EYS: variants seen among roughly 807,000 people sequenced by gnomAD.
EYS encodes the protein protein eyes shut homolog.
In EYS, 250 loss-of-function variants were observed where a neutral mutation model predicts 282.1. That is an observed-to-expected ratio of 0.89 (90% CI 0.80 to 0.98). The LOEUF is 0.98. Among genes scored for constraint, EYS ranks in the 50% least tolerant of loss-of-function variants. EYS has a pLI of 0.00. For missense variants in EYS, 4,016 were observed against 3,709.0 expected, an observed-to-expected ratio of 1.08 and a Z score of -2.15; for synonymous variants, 1,355 against 1,282.9, an observed-to-expected ratio of 1.06 and a Z score of -1.20.
intron 2 of EYS, among the ~76,000 whole-genome samples, chr6:65,575,922 C>T (rs982383798): frequency 2.6e-5 from 4 of 151,896 alleles, no homozygotes; most frequent in African/African-American, 7.2e-5. Flanking sequence ...AAAACAACAA[C>T]AAGTAAAGAG....
At chr6:64,255,191 A>G (rs1453139460) in intron 30 of EYS, among the ~76,000 whole-genome samples, 3 of 152,088 alleles carry the variant, frequency 2.0e-5, no homozygotes, top group East Asian at 1.9e-4. Context: ...ACAGCCAGCC[A>G]TGAACTACAT....
At chr6:64,326,606 C>A (rs748732088) in intron 29 of EYS, among the ~76,000 whole-genome samples, 9 of 152,094 alleles carry the variant, frequency 5.9e-5, no homozygotes, top group Non-Finnish European at 1.3e-4. Flanking sequence ...CTTTGATTGT[C>A]CTGTACCATT....
chr6:64,681,602 A>G (rs1273073460), intron 22 of EYS, among the ~76,000 whole-genome samples: 1 of 152,146 alleles, frequency 6.6e-6, no homozygotes, highest in East Asian at 1.9e-4. Context: ...CCTCGCTAAA[A>G]GTGATTCACG....
chr6:63,734,587 A>G (rs765347765), intron 41 of EYS, among the ~76,000 whole-genome samples: 5 of 152,176 alleles, frequency 3.3e-5, no homozygotes, highest in African/African-American at 9.6e-5. Flanking sequence ...GTGAAAAGTC[A>G]TATTTCAAAT....
chr6:64,771,238 C>T lies in EYS; in HGVS notation c.3443+42140G>A, dbSNP rs9452783. On this transcript the variant is annotated intron_variant, in intron 22 of 42. Transcript: ENST00000503581. The stretch of plus-strand genomic sequence containing the variant: ...TTCTTATGTATCTATAGCTAGATCC[C>T]CTTTCTTATTCCTAGTATTTGTGAT... Among the ~76,000 whole-genome samples, 1,380 of 151,496 alleles carry T rather than the reference C, an allele frequency of 9.1e-3. 22 individuals are homozygous for T. Among genetic ancestry groups the T allele is most frequent in the African/African-American group, 0.03 (1,250 of 41,414 alleles).
intron 29 of EYS, among the ~76,000 whole-genome samples, chr6:64,376,936 C>A (rs1185476034): frequency 6.6e-6 from 1 of 152,104 alleles, no homozygotes; most frequent in Non-Finnish European, 1.5e-5. Context: ...CACTACCTCA[C>A]CTTAAAACAC....
chr6:63,797,435 C>A (rs566919463), intron 37 of EYS: 1 of 152,292 alleles, frequency 6.6e-6, no homozygotes, highest in African/African-American at 2.4e-5. Flanking sequence ...ACATTTGAGC[C>A]ATTTTTATCC....
chr6:65,263,631 A>G (rs1767674764), intron 12 of EYS, among the ~76,000 whole-genome samples: 2 of 152,050 alleles, frequency 1.3e-5, no homozygotes, highest in African/African-American at 4.8e-5. Context: ...TATGTTTTCT[A>G]TAAGGGTAGC....
intron 36 of EYS, among the ~76,000 whole-genome samples, chr6:63,820,572 T>A (rs1771295578): frequency 6.6e-6 from 1 of 152,232 alleles, no homozygotes; most frequent in African/African-American, 2.4e-5. Context: ...ATTCACTGAT[T>A]CATGTTTCAT....
chr6:65,566,922 GTTAAA>G (rs1769301712), intron 2 of EYS, among the ~76,000 whole-genome samples: 1 of 152,036 alleles, frequency 6.6e-6, no homozygotes, highest in Non-Finnish European at 1.5e-5. Flanking sequence ...AGAAACATAG[GTTAAA>G]TTACTTAGCA....
In EYS at chr6:65,517,618, T is replaced by G. The variant is rs1767192332; in HGVS notation, c.-332-21625A>C. ...GGGCTTTTTATCAACTTATCTGTGCTAAATAAAACTAACATTTTAAAGTAA... is the reference window on the plus strand; with the variant it reads ...GGGCTTTTTATCAACTTATCTGTGCGAAATAAAACTAACATTTTAAAGTAA... On this transcript the variant is annotated intron_variant, in intron 2 of 42. Transcript: ENST00000503581. Among the ~76,000 whole-genome samples the G allele has an allele frequency of 2.0e-5, 3 of 152,046 alleles. No homozygotes were observed. In the South Asian group the frequency reaches 6.2e-4, roughly 32 times the overall value.
rs1205776042 is a variant in EYS, at chr6:64,217,618, A to C, written c.6424+12974T>G. ...TTACATCTTGATAATAATGTGTTCT[A>C]TCTTTATGTTAATATAATAACATCT... On this transcript the variant is annotated intron_variant, in intron 31 of 42. Transcript: ENST00000503581. Among the ~76,000 whole-genome samples, 3 of 152,146 alleles carry C rather than the reference A, an allele frequency of 2.0e-5. No individual in the cohort carries two copies. In the East Asian group the frequency reaches 5.8e-4, roughly 29 times the overall value.
intron 42 of EYS, among the ~76,000 whole-genome samples, chr6:63,722,932 ATG>A (rs1450217759): frequency 2.0e-5 from 3 of 152,206 alleles, no homozygotes; most frequent in African/African-American, 7.2e-5. Flanking sequence ...GTCGTTACAT[ATG>A]TGATATTTGG....
intron 35 of EYS, among the ~76,000 whole-genome samples, chr6:63,935,739 G>A (rs1410018968): frequency 1.3e-5 from 2 of 152,186 alleles, no homozygotes. Context: ...TGTTGTTTAA[G>A]TCATCCAGTC....
chr6:63,762,342 A>C lies in EYS; in HGVS notation c.8071+119T>G, dbSNP rs934562241. 4 of 893,524 alleles carry C rather than the reference A, an allele frequency of 4.5e-6. No homozygotes were observed. In the African/African-American group the frequency reaches 6.8e-5, roughly 15 times the overall value. 55.3% of individuals were successfully genotyped at this position (893,524 alleles called of 1,614,324 possible). A position where few individuals can be genotyped will look rare whatever the true frequency, so the allele number is the denominator to read the frequency against. ...ATGTCAAATATACTAGAAAAAGAGG[A>C]CAGTGGATTTGAATTTTATTATATG... On this transcript the variant is annotated intron_variant, in intron 41 of 42. Transcript: ENST00000503581.
chr6:65,365,973 A>G (rs1407366500), intron 8 of EYS, among the ~76,000 whole-genome samples: 1 of 151,730 alleles, frequency 6.6e-6, no homozygotes, highest in Non-Finnish European at 1.5e-5. Flanking sequence ...TAACATAAGA[A>G]TCATGTAGAT....
intron 31 of EYS, among the ~76,000 whole-genome samples, chr6:64,227,750 G>A (rs918379020): frequency 7.9e-5 from 12 of 151,970 alleles, no homozygotes; most frequent in Non-Finnish European, 1.3e-4. Context: ...TATATTTTAG[G>A]TGTTGATTGT....
At chr6:64,687,973 A>T (rs1488918287) in intron 22 of EYS, among the ~76,000 whole-genome samples, 3 of 151,974 alleles carry the variant, frequency 2.0e-5, no homozygotes, top group African/African-American at 7.3e-5. Flanking sequence ...GTGTCCAGGA[A>T]TTTATCAATT....
intron 2 of EYS, among the ~76,000 whole-genome samples, chr6:65,584,755 G>A (rs1050329386): frequency 7.9e-5 from 12 of 151,574 alleles, no homozygotes; most frequent in African/African-American, 1.2e-4. Context: ...TATTATGGAT[G>A]ATATACATAT....
Sources: allele counts gnomAD v4.1 joint callset (sites outside exome capture counted in the v4.1 genomes callset), GRCh38; gene constraint gnomAD v4.1.1; transcripts MANE v1.5; gene names NCBI Gene and HGNC (gene_info 2026-07-23, HGNC 2026-07-21).